RSAD1: variants seen among roughly 807,000 people sequenced by gnomAD.
The protein encoded by RSAD1 is radical S-adenosyl methionine domain containing 1, also known as radical S-adenosyl methionine domain-containing protein 1, mitochondrial.
Under a neutral mutation model 46.2 loss-of-function variants are expected in RSAD1, and 34 were observed. The observed-to-expected ratio is 0.74, with a 90% CI of 0.56 to 0.98. RSAD1 has a LOEUF of 0.98. Ranked by LOEUF, RSAD1 falls within the 50% of genes least tolerant of loss-of-function variation. RSAD1 has a pLI of 0.00. For synonymous variants in RSAD1, 260 were observed against 253.5 expected, an observed-to-expected ratio of 1.03 and a Z score of -0.24; for missense variants, 635 against 592.3, an observed-to-expected ratio of 1.07 and a Z score of -0.75.
At position 50,484,961 on chromosome 17, in the gene RSAD1, C is replaced by A; in HGVS notation, c.*100C>A. The A allele has an allele frequency of 1.1e-6, 1 of 938,898 alleles. No homozygotes were observed. The highest frequency in any genetic ancestry group is 1.7e-6 in the Non-Finnish European group (1 of 593,724). The allele number at this position is 938,898 out of a possible 1,614,324, so 58.2% of individuals were successfully genotyped here. ...TCCGTTGTCGGGTGCCGTCTCTGCT[C>A]CTTGTGGTTATTGCTCAGCCCTGGC... On this transcript the variant is annotated 3_prime_UTR_variant, in exon 9 of 9. Coordinates refer to ENST00000258955, the MANE Select transcript of RSAD1 (RefSeq NM_018346.3).
At chr17:50,479,176 GCAGGGAAATGA>G in intron 1 of RSAD1, 157 bp downstream of exon 1, 1 of 799,556 alleles carries the variant, frequency 1.3e-6, no homozygotes, top group Non-Finnish European at 1.7e-6. Context: ...CTGTGCTTTG[GCAGGGAAATGA>G]CTTGGTCCAG....
intron 5 of RSAD1, 86 bp downstream of exon 5, chr17:50,482,792 C>T: frequency 7.9e-7 from 1 of 1,260,218 alleles, no homozygotes; most frequent in Non-Finnish European, 1.1e-6. Context: ...CTCTCCAAGC[C>T]TCTATTTTCT....
At chr17:50,479,608 A>G (rs761964734) in intron 1 of RSAD1, 21 bp from the exon 2 acceptor site, 12 of 1,613,222 alleles carry the variant, frequency 7.4e-6, no homozygotes, top group Non-Finnish European at 1.0e-5. Flanking sequence ...CTCACCGCGC[A>G]CGTGCACTCA....
In RSAD1 at chr17:50,485,921, A is replaced by C. The variant is rs1188615441; in HGVS notation, c.*1060A>C. ...AATTCTTCTTTGTCCTTTTACCTACAGAAATGGTCACATGGTTCTATTTAA... is the reference window on the plus strand; with the variant it reads ...AATTCTTCTTTGTCCTTTTACCTACCGAAATGGTCACATGGTTCTATTTAA... On this transcript the variant is annotated 3_prime_UTR_variant, in exon 9 of 9. Transcript: ENST00000258955. 6.6e-6 allele frequency: 1 copy of C among 152,208 alleles called. No homozygotes were observed. Among genetic ancestry groups the C allele is most frequent in the African/African-American group, 2.4e-5 (1 of 41,440 alleles). 9.4% of individuals were successfully genotyped at this position (152,208 alleles called of 1,614,324 possible). A position where few individuals can be genotyped will look rare whatever the true frequency, so the allele number is the denominator to read the frequency against.
intron 7 of RSAD1, chr17:50,484,011 C>A: frequency 1.9e-6 from 1 of 522,604 alleles, no homozygotes; most frequent in Non-Finnish European, 3.3e-6. Context: ...GGACACAAAT[C>A]CTTTCACCTC....
chr17:50,480,664 A>G (rs1474605996), intron 3 of RSAD1: 1 of 158,444 alleles, frequency 6.3e-6, no homozygotes, highest in Non-Finnish European at 1.4e-5. Context: ...TTTGGTGCCT[A>G]CTAAGGAGTG....
chr17:50,480,295 T>G, intron 3 of RSAD1: 1 of 591,044 alleles, frequency 1.7e-6, no homozygotes, highest in South Asian at 2.0e-5. Context: ...GGTGTGGCTT[T>G]TCTATTTCAA....
chr17:50,480,453 C>A lies in RSAD1; in HGVS notation c.474+369C>A. The A allele has an allele frequency of 1.2e-5, 3 of 248,928 alleles. No homozygotes were observed. The South Asian group carries it at 1.4e-4, about 12-fold the overall frequency. 15.4% of individuals were successfully genotyped at this position (248,928 alleles called of 1,614,324 possible). A position where few individuals can be genotyped will look rare whatever the true frequency, so the allele number is the denominator to read the frequency against. ...CTATAAAAGGCTTCTAGAGTACAGC[C>A]TGAAGGGAGGTCACTCTGATGAAAT... On this transcript the variant is annotated intron_variant, in intron 3 of 8. Coordinates refer to ENST00000258955, the MANE Select transcript of RSAD1 (RefSeq NM_018346.3).
chr17:50,482,753 G>A (rs771697457), intron 5 of RSAD1, 47 bp downstream of exon 5: 2 of 1,574,126 alleles, frequency 1.3e-6, no homozygotes, highest in Non-Finnish European at 8.7e-7. Flanking sequence ...GAGGAATGTC[G>A]TGGCTGTGTG....
Position 50,482,468 on chromosome 17 carries a change from G to A in RSAD1, c.840+12G>A. ...ACTTTGCCCGGAATGTAAGTTCTGG[G>A]GCTGATGGCTGGAGGTGGAGGATGG... On this transcript the variant is annotated intron_variant, in intron 4 of 8. Coordinates refer to ENST00000258955, the MANE Select transcript of RSAD1 (RefSeq NM_018346.3). The A allele has an allele frequency of 6.3e-7, 1 of 1,596,202 alleles. No homozygotes were observed. Among genetic ancestry groups the A allele is most frequent in the Non-Finnish European group, 8.5e-7 (1 of 1,174,538 alleles).
At position 50,480,011 on chromosome 17, in the gene RSAD1, C is replaced by G; in HGVS notation, c.401C>G (p.Pro134Arg). Residue 134 changes from proline to arginine, a missense_variant, in exon 3 of 9, where the codon CCT (proline) becomes CGT (arginine). Pro to Arg is a moderately radical substitution (Grantham distance 103). Transcript: ENST00000258955. ...ADLEVTLEAN[P>R]TSAPGSRLAE... ...TTGGAAGTCACATTGGAGGCTAATC[C>G]TACTTCAGCTCCGGGCTCCAGACTG... The G allele has an allele frequency of 6.2e-7, 1 of 1,614,172 alleles. No individual in the cohort carries two copies. Among genetic ancestry groups the G allele is most frequent in the Non-Finnish European group, 8.5e-7 (1 of 1,180,032 alleles).
rs752385251 is a variant in RSAD1, at chr17:50,479,922, C to A, written c.312C>A (p.Ala104=). The A allele has an allele frequency of 1.2e-6, 2 of 1,614,162 alleles. No homozygotes were observed. Among genetic ancestry groups the A allele is most frequent in the South Asian group, 2.2e-5 (2 of 91,082 alleles). Residue 104 remains alanine (A), a synonymous_variant, in exon 3 of 9, where the codon GCC becomes GCA. Coordinates refer to ENST00000258955, the MANE Select transcript of RSAD1 (RefSeq NM_018346.3). The part of the protein sequence containing the change: ...VFFGGGTPSL[A]SPHTVAAVLE... ...TTGGTGGGGGGACCCCCAGTCTAGC[C>A]AGTCCCCACACGGTGGCTGCTGTCC...
chr17:50,483,189 A>AG lies in RSAD1; in HGVS notation c.905-151_905-150insG, dbSNP rs1555615310. ...CACCACCTCAAAAAAAAAAAAAAAA[A>AG]AAAGAAAGAAAGAAAGAAAGAAAAG... On this transcript the variant is annotated intron_variant, in intron 5 of 8. Coordinates refer to ENST00000258955, the MANE Select transcript of RSAD1 (RefSeq NM_018346.3). 7.0e-3 allele frequency: 1,879 copies of AG among 268,652 alleles called. 2 individuals are homozygous for AG. The highest frequency in any genetic ancestry group is 0.015 in the South Asian group (237 of 15,698). The allele number at this position is 268,652 out of a possible 1,614,324, so 16.6% of individuals were successfully genotyped here. A position where few individuals can be genotyped will look rare whatever the true frequency, so the allele number is the denominator to read the frequency against.
intron 3 of RSAD1, 111 bp from the exon 4 acceptor site, chr17:50,481,980 C>T: frequency 7.6e-7 from 1 of 1,318,716 alleles, no homozygotes; most frequent in South Asian, 1.9e-5. Flanking sequence ...TCCTGCCTTC[C>T]AGCTGCCTGC....
Position 50,482,088 on chromosome 17 carries a change from C to T in RSAD1, c.475-3C>T. Reference sequence around the variant, plus strand: ...TATGCTTACACCCACCCTCTTTTCCCAGTCCCTAGATGACACTGAGCTCCG... The same window carrying T: ...TATGCTTACACCCACCCTCTTTTCCTAGTCCCTAGATGACACTGAGCTCCG... On this transcript the variant is annotated splice_region_variant and splice_polypyrimidine_tract_variant and intron_variant, in intron 3 of 8. Coordinates refer to ENST00000258955, the MANE Select transcript of RSAD1 (RefSeq NM_018346.3). The T allele has an allele frequency of 6.5e-7, 1 of 1,536,566 alleles. No homozygotes were observed. Among genetic ancestry groups the T allele is most frequent in the Non-Finnish European group, 8.8e-7 (1 of 1,140,000 alleles).
At chr17:50,480,653 C>G (rs1192836487) in intron 3 of RSAD1, 2 of 162,708 alleles carry the variant, frequency 1.2e-5, no homozygotes, top group African/African-American at 2.4e-5. Context: ...AGTCCAAAAC[C>G]TTTGGTGCCT....
rs2033406801 is a variant in RSAD1 at position 50,483,284 on chromosome 17, G to A, written c.905-56G>A. The A allele has an allele frequency of 7.7e-6, 12 of 1,564,804 alleles. No homozygotes were observed. In the South Asian group the frequency reaches 1.3e-4, roughly 17 times the overall value. Reference sequence around the variant, plus strand: ...TCCAGGGACCACATGATTTAAATCTGGTAAACACATAGTATTAACAGCCAT... The same window carrying A: ...TCCAGGGACCACATGATTTAAATCTAGTAAACACATAGTATTAACAGCCAT... On this transcript the variant is annotated intron_variant, in intron 5 of 8. Transcript: ENST00000258955.
rs751496350 is a variant in RSAD1 at position 50,484,587 on chromosome 17, A to G, written c.1211+42A>G. The G allele has an allele frequency of 3.8e-6, 6 of 1,591,668 alleles. No homozygotes were observed. In the South Asian group the frequency reaches 5.5e-5, roughly 15 times the overall value. On this transcript the variant is annotated intron_variant, in intron 8 of 8. Coordinates refer to ENST00000258955, the MANE Select transcript of RSAD1 (RefSeq NM_018346.3). Reference sequence around the variant, plus strand: ...CGGGCAGAGGGGGCTGAGGCATACCAGGGAGCCCTGACTACAGCTCTCCAC... The same window carrying G: ...CGGGCAGAGGGGGCTGAGGCATACCGGGGAGCCCTGACTACAGCTCTCCAC...
In RSAD1 at chr17:50,483,757, C is replaced by G. The variant is rs2033415350; in HGVS notation, c.1104C>G (p.His368Gln). The G allele has an allele frequency of 1.9e-6, 3 of 1,608,902 alleles. No individual in the cohort carries two copies. The Admixed American group carries it at 5.2e-5, about 28-fold the overall frequency. Residue 368 changes from histidine (H) to glutamine (Q), a missense_variant, in exon 7 of 9, where the codon CAC (histidine) becomes CAG (glutamine). Physicochemically the swap from His to Gln is conservative, Grantham distance 24 (BLOSUM62 0). Coordinates refer to ENST00000258955, the MANE Select transcript of RSAD1 (RefSeq NM_018346.3). ...TACGCACCGATGTGGGGATCACTCA[C>G]CAGGTAAGGAGTTAGGATTCTTGCA... ...LGLRTDVGITHQHWQQFEPQL... is the reference protein window; with the variant it reads ...LGLRTDVGITQQHWQQFEPQL...
Sources: gnomAD v4.1 joint callset for allele counts on GRCh38, gnomAD v4.1.1 for gene constraint, MANE v1.5 for transcripts, NCBI Gene and HGNC (gene_info 2026-07-23, HGNC 2026-07-21) for gene names.